Variants in CORO1C observed in about 807,000 individuals in gnomAD.
The protein encoded by CORO1C is coronin 1C.
CORO1C carries 14 observed loss-of-function variants against 51.2 expected under a neutral mutation model. The observed-to-expected ratio is 0.27, with a 90% CI of 0.18 to 0.43. The LOEUF (loss-of-function observed/expected upper bound fraction) is 0.43. Among genes scored for constraint, CORO1C ranks in the 20% least tolerant of loss-of-function variants. The probability of loss-of-function intolerance (pLI) is 1.00; values close to 1 mark genes in which losing one functional copy is unlikely to be tolerated. For missense variants in CORO1C, 417 were observed against 607.8 expected, an observed-to-expected ratio of 0.69 and a Z score of 3.30; for synonymous variants, 181 against 210.5, an observed-to-expected ratio of 0.86 and a Z score of 1.21.
intron 6 of CORO1C, among the ~76,000 whole-genome samples, chr12:108,655,357 C>T (rs951234718): frequency 2.9e-4 from 44 of 150,394 alleles, no homozygotes; most frequent in Admixed American, 1.6e-3. Flanking sequence ...TCCCTCTCCC[C>T]TTCCCCCTCC....
chr12:108,710,928 A>G (rs2035162267), intron 1 of CORO1C, among the ~76,000 whole-genome samples: 1 of 152,160 alleles, frequency 6.6e-6, no homozygotes, highest in Non-Finnish European at 1.5e-5. Flanking sequence ...GTCTACCTCT[A>G]TGGTTTAAAG....
intron 8 of CORO1C, chr12:108,652,054 T>TG: frequency 3.5e-6 from 1 of 282,930 alleles, no homozygotes; most frequent in Non-Finnish European, 6.2e-6. Context: ...TTTTTTCTTT[T>TG]CTTTTTTTTT....
At chr12:108,669,673 TAAA>T (rs34827230) in intron 3 of CORO1C, among the ~76,000 whole-genome samples, 3 of 80,260 alleles carry the variant, frequency 3.7e-5, no homozygotes, top group Non-Finnish European at 4.7e-5. Flanking sequence ...GCTTTTCCGT[TAAA>T]AAAAAAAAAA....
chr12:108,648,477 T>C, intron 10 of CORO1C, 128 bp downstream of exon 10: 1 of 1,299,064 alleles, frequency 7.7e-7, no homozygotes, highest in Non-Finnish European at 1.1e-6. Flanking sequence ...CTTCTCCCAC[T>C]TTTTCATTTA....
chr12:108,669,452 C>T (rs1229331832), intron 3 of CORO1C, among the ~76,000 whole-genome samples: 2 of 152,020 alleles, frequency 1.3e-5, no homozygotes, highest in Non-Finnish European at 2.9e-5. Context: ...TTTTGACTCT[C>T]GATAGGCATA....
chr12:108,709,106 G>A (rs1469399952), intron 1 of CORO1C, among the ~76,000 whole-genome samples: 1 of 151,976 alleles, frequency 6.6e-6, no homozygotes, highest in East Asian at 1.9e-4. Flanking sequence ...GTTGATGGTT[G>A]CAGATTATTT....
intron 1 of CORO1C, among the ~76,000 whole-genome samples, chr12:108,709,475 A>C (rs1341369316): frequency 2.0e-5 from 3 of 152,236 alleles, no homozygotes; most frequent in East Asian, 3.8e-4. Context: ...CAAAGGAAAA[A>C]TTGGGAACTA....
At chr12:108,701,012 C>G (rs1303464629) in intron 2 of CORO1C, 112 bp downstream of exon 2, 10 of 1,170,752 alleles carry the variant, frequency 8.5e-6, no homozygotes, top group Admixed American at 3.6e-5. Context: ...TCAATTACAT[C>G]AGAGTCTAAT....
intron 6 of CORO1C, among the ~76,000 whole-genome samples, chr12:108,656,309 GC>G (rs1167232390): frequency 2.2e-5 from 1 of 45,292 alleles, no homozygotes; most frequent in Non-Finnish European, 4.4e-5. Flanking sequence ...CCCCCGCCCG[GC>G]CAGCCGCCCC....
At chr12:108,696,363 T>C (rs1013907496) in intron 2 of CORO1C, 2 of 148,074 alleles carry the variant, frequency 1.4e-5, no homozygotes, top group African/African-American at 4.9e-5. Context: ...CTCTTACTTG[T>C]TTAAGGCAGG....
chr12:108,649,193 G>A (rs933485666), intron 8 of CORO1C, 173 bp from the exon 9 acceptor site: 3 of 691,048 alleles, frequency 4.3e-6, no homozygotes, highest in Non-Finnish European at 7.3e-6. Context: ...GTTGACAGAT[G>A]AGAGAACGGA....
chr12:108,719,559 A>T (rs907340176), intron 1 of CORO1C, among the ~76,000 whole-genome samples: 3 of 152,166 alleles, frequency 2.0e-5, no homozygotes, highest in African/African-American at 7.2e-5. Context: ...CAAATACATT[A>T]AATCCTTGGG....
chr12:108,647,592 T>C, intron 10 of CORO1C, 70 bp from the exon 11 acceptor site: 1 of 1,142,700 alleles, frequency 8.8e-7, no homozygotes, highest in Admixed American at 2.3e-5. Context: ...TCAAAACTTG[T>C]AAGATATAAA....
At chr12:108,677,944 G>A (rs146716909) in intron 3 of CORO1C, among the ~76,000 whole-genome samples, 268 of 151,880 alleles carry the variant, frequency 1.8e-3, no homozygotes, top group Admixed American at 3.0e-3. Flanking sequence ...ACTTGAACCC[G>A]GGAGGCGGAG....
At chr12:108,710,686 C>T (rs2035155483) in intron 1 of CORO1C, among the ~76,000 whole-genome samples, 2 of 151,888 alleles carry the variant, frequency 1.3e-5, no homozygotes, top group South Asian at 2.1e-4. Context: ...GCCTCAGCCT[C>T]CCGAGTAGCT....
intron 4 of CORO1C, among the ~76,000 whole-genome samples, chr12:108,660,708 C>T (rs1157262360): frequency 6.6e-6 from 1 of 152,136 alleles, no homozygotes; most frequent in East Asian, 1.9e-4. Context: ...TGTATTGAGC[C>T]TTGATGAGAA....
At chr12:108,667,021 G>A (rs1027320998) in intron 3 of CORO1C, among the ~76,000 whole-genome samples, 1 of 151,820 alleles carries the variant, frequency 6.6e-6, no homozygotes, top group African/African-American at 2.4e-5. Flanking sequence ...GGCTTACTGT[G>A]CGGATACAAT....
chr12:108,654,161 C>A, intron 7 of CORO1C, 145 bp downstream of exon 7: 1 of 576,950 alleles, frequency 1.7e-6, no homozygotes, highest in African/African-American at 1.8e-5. Flanking sequence ...CTAAAAATAC[C>A]AAATTATCTG....
At chr12:108,654,446 T>C in intron 6 of CORO1C, 36 bp from the exon 7 acceptor site, 1 of 1,169,892 alleles carries the variant, frequency 8.5e-7, no homozygotes, top group Non-Finnish European at 1.2e-6. Flanking sequence ...TATATGTGTA[T>C]GTATACATTT....
Sources: allele counts gnomAD v4.1 joint callset (sites outside exome capture counted in the v4.1 genomes callset), GRCh38; gene constraint gnomAD v4.1.1; transcripts MANE v1.5; gene names NCBI Gene and HGNC (gene_info 2026-07-23, HGNC 2026-07-21).